Variants in PTPN3 observed in about 807,000 individuals in gnomAD.
PTPN3 encodes tyrosine-protein phosphatase non-receptor type 3.
Under a neutral mutation model 132.7 loss-of-function variants are expected in PTPN3, and 96 were observed. The ratio of observed to expected loss-of-function variants is 0.72; its 90% CI spans 0.61 to 0.86. PTPN3 has a LOEUF of 0.86. Ranked by LOEUF, PTPN3 falls within the 40% of genes least tolerant of loss-of-function variation. The probability of loss-of-function intolerance (pLI) is 0.00; values close to 1 mark genes in which losing one functional copy is unlikely to be tolerated. For synonymous variants in PTPN3, 398 were observed against 429.0 expected (o/e 0.93, Z 0.89); for missense variants, 1,125 against 1,159.6 (o/e 0.97, Z 0.43).
At chr9:109,386,833 A>C (rs1839624057) in intron 22 of PTPN3, among the ~76,000 whole-genome samples, 1 of 152,222 alleles carries the variant, frequency 6.6e-6, no homozygotes, top group South Asian at 2.1e-4. Flanking sequence ...GGTATCGCTG[A>C]AAGCTGTGCC....
intron 1 of PTPN3, among the ~76,000 whole-genome samples, chr9:109,465,251 ACGTAGG>A (rs1407938031): frequency 2.0e-5 from 3 of 152,182 alleles, no homozygotes; most frequent in Non-Finnish European, 1.5e-5. Context: ...TGACTATATC[ACGTAGG>A]TGGGAGGATC....
chr9:109,386,882 C>G (rs963563007), intron 22 of PTPN3, among the ~76,000 whole-genome samples: 1 of 152,122 alleles, frequency 6.6e-6, no homozygotes, highest in South Asian at 2.1e-4. Flanking sequence ...AGCCTCTAGG[C>G]CAGGAAGCCA....
chr9:109,414,962 T>C (rs1044451514), intron 14 of PTPN3, among the ~76,000 whole-genome samples: 3 of 152,142 alleles, frequency 2.0e-5, no homozygotes, highest in African/African-American at 7.2e-5. Flanking sequence ...AGAGGGGGCA[T>C]CCCATTGTGA....
In PTPN3 at chr9:109,375,937, C is replaced by A. The variant is rs1039929509; in HGVS notation, c.*3619G>T. 1 of 152,234 alleles carries A rather than the reference C, an allele frequency of 6.6e-6. No homozygotes were observed. Among genetic ancestry groups the A allele is most frequent in the Non-Finnish European group, 1.5e-5 (1 of 68,042 alleles). 9.4% of individuals were successfully genotyped at this position (152,234 alleles called of 1,614,324 possible). The stretch of plus-strand genomic sequence containing the variant: ...AAGCATTTGGTCCCCGGTCTGAGGT[C>A]ACAGAATCTTTGCCACCTTTACCGA... On this transcript the variant is annotated 3_prime_UTR_variant, in exon 26 of 26. Coordinates refer to ENST00000374541, the MANE Select transcript of PTPN3 (RefSeq NM_002829.4).
At chr9:109,522,811 G>A in the PTPN3 span, among the ~76,000 whole-genome samples, 2 of 152,144 alleles carry the variant, frequency 1.3e-5, no homozygotes, top group African/African-American at 4.8e-5. Context: ...GAATGGTTGA[G>A]CAAATTATGA....
chr9:109,500,073 T>A (rs1278508255), upstream of PTPN3, among the ~76,000 whole-genome samples: 1 of 152,238 alleles, frequency 6.6e-6, no homozygotes, highest in Non-Finnish European at 1.5e-5. Flanking sequence ...CTTTCCCCAC[T>A]GCCTTATCCT....
chr9:109,442,129 C>T (rs1790582580), intron 7 of PTPN3, among the ~76,000 whole-genome samples: 2 of 152,054 alleles, frequency 1.3e-5, no homozygotes, highest in African/African-American at 4.8e-5. Flanking sequence ...CTCACTGCAG[C>T]CTTGACCTCC....
the PTPN3 span, chr9:109,511,343 C>G: frequency 1.3e-5 from 2 of 152,608 alleles, no homozygotes; most frequent in Non-Finnish European, 2.9e-5. Context: ...ATGCCAGGTT[C>G]AAGGGGCAGC....
the PTPN3 span, among the ~76,000 whole-genome samples, chr9:109,530,908 T>C: frequency 6.6e-6 from 1 of 152,184 alleles, no homozygotes; most frequent in Non-Finnish European, 1.5e-5. Flanking sequence ...TATTTTTGAA[T>C]TGGGTTGTTT....
At chr9:109,533,801 G>A in the PTPN3 span, 7 of 1,016,420 alleles carry the variant, frequency 6.9e-6, no homozygotes, top group East Asian at 2.4e-5. Context: ...GCCTTGGGGA[G>A]CACGCTCCCA....
chr9:109,487,902 T>A (rs1305697214), intron 1 of PTPN3, among the ~76,000 whole-genome samples: 2 of 152,186 alleles, frequency 1.3e-5, no homozygotes, highest in African/African-American at 2.4e-5. Context: ...TGCCATTGAC[T>A]ATGTGCCCTT....
intron 1 of PTPN3, among the ~76,000 whole-genome samples, chr9:109,470,327 C>T (rs2132069900): frequency 6.6e-6 from 1 of 152,118 alleles, no homozygotes; most frequent in Middle Eastern, 3.4e-3. Context: ...CAACCATGGC[C>T]CCAACAAGCA....
intron 12 of PTPN3, among the ~76,000 whole-genome samples, chr9:109,424,264 TG>T (rs772978465): frequency 6.6e-6 from 1 of 152,236 alleles, no homozygotes; most frequent in Non-Finnish European, 1.5e-5. Context: ...CTCTAGGGGC[TG>T]GGCAAGTCAT....
chr9:109,518,900 A>G, the PTPN3 span, among the ~76,000 whole-genome samples: 1 of 152,132 alleles, frequency 6.6e-6, no homozygotes, highest in African/African-American at 2.4e-5. Flanking sequence ...AAGACTGAGA[A>G]TAAGAAAAAG....
In PTPN3 at chr9:109,497,447, G is replaced by C. The variant is rs192761176; in HGVS notation, c.-18+772C>G. Among the ~76,000 whole-genome samples the C allele has an allele frequency of 1.5e-3, 234 of 152,260 alleles. 1 individual carries two copies. In the Middle Eastern group the frequency reaches 0.041, roughly 27 times the overall value. The stretch of plus-strand genomic sequence containing the variant: ...CTTGCCAAGGTCACCAGCTGGCCAA[G>C]GGGGAGCCCAACTTGAACGGAGGTC... On this transcript the variant is annotated intron_variant, in intron 1 of 25. Coordinates refer to ENST00000374541, the MANE Select transcript of PTPN3 (RefSeq NM_002829.4).
At chr9:109,450,852 C>T (rs1302040755) in intron 5 of PTPN3, 10 of 985,342 alleles carry the variant, frequency 1.0e-5, no homozygotes, top group Non-Finnish European at 1.2e-5. Context: ...GTAATGACCT[C>T]TCTGCCTAGA....
At chr9:109,506,105 G>GA in the PTPN3 span, among the ~76,000 whole-genome samples, 1 of 152,188 alleles carries the variant, frequency 6.6e-6, no homozygotes, top group Non-Finnish European at 1.5e-5. Context: ...AAGGAGAGGG[G>GA]AAGAAGAGAT....
intron 1 of PTPN3, among the ~76,000 whole-genome samples, chr9:109,465,006 A>G (rs1846025340): frequency 6.6e-6 from 1 of 152,212 alleles, no homozygotes; most frequent in Non-Finnish European, 1.5e-5. Flanking sequence ...TGGTGTACTC[A>G]CTTTGTGACA....
chr9:109,418,503 C>T (rs1564418081), intron 14 of PTPN3, among the ~76,000 whole-genome samples: 2 of 152,200 alleles, frequency 1.3e-5, no homozygotes, highest in African/African-American at 4.8e-5. Flanking sequence ...GGTGATGATT[C>T]CAAACCTACT....
Sources: allele counts gnomAD v4.1 joint callset (sites outside exome capture counted in the v4.1 genomes callset), GRCh38; gene constraint gnomAD v4.1.1; transcripts MANE v1.5; gene names NCBI Gene and HGNC (gene_info 2026-07-23, HGNC 2026-07-21).